The following STOX2 variants were observed in gnomAD, a reference collection of about 807,000 sequenced individuals.
STOX2 encodes storkhead-box protein 2.
In STOX2, 28 loss-of-function variants were observed where a neutral mutation model predicts 60.9. The observed-to-expected ratio is 0.46, with a 90% CI of 0.34 to 0.63. The LOEUF is 0.63. Ranked by LOEUF, STOX2 falls within the 30% of genes least tolerant of loss-of-function variation. The pLI is 0.01. For synonymous variants in STOX2, 472 were observed against 463.9 expected (o/e 1.02, Z -0.22); for missense variants, 1,024 against 1,187.7 (o/e 0.86, Z 2.03).
At chr4:183,949,517 A>G (rs761966203) in intron 1 of STOX2, among the ~76,000 whole-genome samples, 149 of 151,994 alleles carry the variant, frequency 9.8e-4, no homozygotes, top group Non-Finnish European at 1.3e-3. Flanking sequence ...GGCCAACATG[A>G]TGAAACCCCA....
chr4:183,822,334 A>G lies in STOX2; in HGVS notation c.364+24279A>G, dbSNP rs201420797. Among the ~76,000 whole-genome samples the G allele has an allele frequency of 6.6e-5, 10 of 152,312 alleles. No individual in the cohort carries two copies. In the East Asian group the frequency reaches 1.9e-3, roughly 29 times the overall value. On this transcript the variant is annotated intron_variant, in intron 1 of 2. Transcript: ENST00000513034. The stretch of plus-strand genomic sequence containing the variant: ...TGGTTTTGTAAAGGACAGTTTTTCC[A>G]CAGACTGGCATGGGGGATGGTTTTG...
chr4:184,009,506 A>C lies in STOX2; in HGVS notation c.668A>C (p.Lys223Thr), dbSNP rs367795121. Residue 223 changes from lysine (K) to threonine (T), a missense_variant, in exon 3 of 4, where the codon AAA becomes ACA. Lys to Thr is a moderately conservative substitution (Grantham distance 78). This residue lies in a region of STOX2 where 922 missense variants were observed against 1,058.3 expected (regional missense o/e 0.87). Coordinates refer to ENST00000308497, the MANE Select transcript of STOX2 (RefSeq NM_020225.3). The surrounding 1 kb of genome is among the most constrained non-coding windows in gnomAD (Gnocchi z 4.0). ...TLQRKSAKDC[K>T]DPYCPPSLCQ... ...CAAAGGAAGTCTGCCAAGGACTGCA[A>C]AGACCCTTACTGTCCCCCTTCTCTG... is the stretch of plus-strand genomic sequence containing the variant. The C allele has an allele frequency of 1.2e-6, 2 of 1,614,062 alleles. No homozygotes were observed. The highest frequency in any genetic ancestry group is 1.7e-6 in the Non-Finnish European group (2 of 1,179,894).
upstream of STOX2, among the ~76,000 whole-genome samples, chr4:183,902,085 T>A (rs1331952022): frequency 6.6e-6 from 1 of 152,212 alleles, no homozygotes; most frequent in Non-Finnish European, 1.5e-5. Flanking sequence ...CCTTTAGTAG[T>A]CATCAAATAT....
chr4:183,934,257 C>T (rs566983378), intron 1 of STOX2, among the ~76,000 whole-genome samples: 2 of 152,068 alleles, frequency 1.3e-5, no homozygotes, highest in South Asian at 4.2e-4. Context: ...GAGCTGAGGT[C>T]GTGCCACTGC....
At chr4:183,973,799 T>C (rs1452294784) in intron 1 of STOX2, among the ~76,000 whole-genome samples, 1 of 152,116 alleles carries the variant, frequency 6.6e-6, no homozygotes, top group Non-Finnish European at 1.5e-5. Flanking sequence ...ATCGAGACCA[T>C]CCTGGCTAAC....
intron 1 of STOX2, among the ~76,000 whole-genome samples, chr4:183,929,417 G>A (rs1742345137): frequency 6.6e-6 from 1 of 152,218 alleles, no homozygotes; most frequent in Non-Finnish European, 1.5e-5. Context: ...TTTGGAAGTA[G>A]TACACATTTT....
At chr4:183,893,770 A>C (rs115396405) in intron 1 of STOX2, among the ~76,000 whole-genome samples, 20 of 152,294 alleles carry the variant, frequency 1.3e-4, no homozygotes, top group South Asian at 1.2e-3. Flanking sequence ...CTTAAAAAAA[A>C]ACAAAAAACT....
chr4:183,983,589 G>A (rs933546780), intron 1 of STOX2, among the ~76,000 whole-genome samples: 7 of 152,162 alleles, frequency 4.6e-5, no homozygotes, highest in South Asian at 2.1e-4. Context: ...GGGGGAAGCC[G>A]CGTCTGACCA....
At chr4:183,903,764 ATGGTCCTTTACAC>A (rs1187973627), upstream of STOX2, among the ~76,000 whole-genome samples, 2 of 152,178 alleles carry the variant, frequency 1.3e-5, no homozygotes, top group African/African-American at 2.4e-5. Flanking sequence ...TTATTACCTT[ATGGTCCTTTACAC>A]CAGCGGCCCC....
intron 2 of STOX2, among the ~76,000 whole-genome samples, chr4:184,003,530 T>G (rs1733682200): frequency 6.6e-6 from 1 of 152,250 alleles, no homozygotes. Context: ...GACTCATTGG[T>G]CAGCCTCAGA....
At chr4:183,968,688 T>C (rs1743651838) in intron 1 of STOX2, among the ~76,000 whole-genome samples, 1 of 151,910 alleles carries the variant, frequency 6.6e-6, no homozygotes, top group Admixed American at 6.6e-5. Context: ...CCAAGCCAAG[T>C]TATCAAAAGG....
intron 1 of STOX2, among the ~76,000 whole-genome samples, chr4:183,970,168 GTGTGTGTGTGTGT>G (rs1743699072): frequency 2.0e-5 from 3 of 150,502 alleles, no homozygotes; most frequent in Admixed American, 6.7e-5. Context: ...GTGTGTGTGT[GTGTGTGTGTGTGT>G]GGGGTTCCAG....
At chr4:183,859,675 A>G (rs981697847) in intron 1 of STOX2, among the ~76,000 whole-genome samples, 3 of 152,270 alleles carry the variant, frequency 2.0e-5, no homozygotes, top group Admixed American at 1.3e-4. Flanking sequence ...TGGCCCTTGC[A>G]TGCAGGGAAC....
intron 1 of STOX2, among the ~76,000 whole-genome samples, chr4:183,816,338 G>C (rs910025922): frequency 5.3e-5 from 8 of 152,212 alleles, no homozygotes; most frequent in Non-Finnish European, 1.2e-4. Flanking sequence ...ATGAAATCAT[G>C]TCCTTTGCAG....
At chr4:183,904,503 A>G (rs1053233258), upstream of STOX2, among the ~76,000 whole-genome samples, 2 of 152,238 alleles carry the variant, frequency 1.3e-5, no homozygotes, top group African/African-American at 2.4e-5. Flanking sequence ...CTCTTACAGG[A>G]AAGAAGACAT....
chr4:183,819,105 C>T lies in STOX2; in HGVS notation c.364+21050C>T, dbSNP rs1018167226. 1.4e-4 allele frequency among the ~76,000 whole-genome samples: 21 copies of T among 151,374 alleles called. 1 individual carries two copies. The highest frequency in any genetic ancestry group is 5.9e-4 in the East Asian group (3 of 5,098). ...GGCTCCTCACATCCCAGACGATGGG[C>T]GGCCAGGCAGAGACGCTCCTCACTT... On this transcript the variant is annotated intron_variant, in intron 1 of 2. Coordinates refer to the STOX2 transcript ENST00000513034.
intron 1 of STOX2, among the ~76,000 whole-genome samples, chr4:183,879,776 C>CT (rs1331354635): frequency 6.6e-6 from 1 of 150,946 alleles, no homozygotes; most frequent in Non-Finnish European, 1.5e-5. Flanking sequence ...TTGGAGGAGG[C>CT]TTGGGGGATG....
Position 184,001,619 on chromosome 4 carries a change from G to A in STOX2, c.319+142G>A, listed in dbSNP as rs1422994812. The A allele has an allele frequency of 3.8e-6, 3 of 779,518 alleles. No individual in the cohort carries two copies. In the East Asian group the frequency reaches 8.8e-5, roughly 23 times the overall value. 48.3% of individuals were successfully genotyped at this position (779,518 alleles called of 1,614,324 possible). ...CTGACCCGAAGCTTTCCTTACTTCTGTAATTAAAAATTCAGGCACCTGCAT... is the reference window on the plus strand; with the variant it reads ...CTGACCCGAAGCTTTCCTTACTTCTATAATTAAAAATTCAGGCACCTGCAT... On this transcript the variant is annotated intron_variant, in intron 2 of 3. Transcript: ENST00000308497. This position sits in a 1 kb window ranked among gnomAD's most constrained non-coding sequence, Gnocchi z 4.2.
intron 1 of STOX2, among the ~76,000 whole-genome samples, chr4:183,801,251 T>C (rs983178076): frequency 7.9e-5 from 12 of 152,206 alleles, no homozygotes; most frequent in African/African-American, 2.2e-4. Flanking sequence ...AGTCCATTCT[T>C]AGAAATAACC....
Sources: allele counts gnomAD v4.1 joint callset (sites outside exome capture counted in the v4.1 genomes callset), GRCh38; gene constraint gnomAD v4.1.1; regional missense constraint gnomAD v4.1.1; non-coding constraint Gnocchi (gnomAD v3.1); transcripts MANE v1.5; gene names NCBI Gene and HGNC (gene_info 2026-07-23, HGNC 2026-07-21).